The following ALS2 variants were observed in gnomAD, a reference collection of about 807,000 sequenced individuals.
ALS2 encodes the protein alsin.
Under a neutral mutation model 203.4 loss-of-function variants are expected in ALS2, and 117 were observed. The ratio of observed to expected loss-of-function variants is 0.58; its 90% CI spans 0.50 to 0.67. The LOEUF is 0.67. Ranked by LOEUF, ALS2 falls within the 30% of genes least tolerant of loss-of-function variation. The pLI is 0.00. For missense variants in ALS2, 1,715 were observed against 1,989.4 expected (o/e 0.86, Z 2.62); for synonymous variants, 718 against 725.9 (o/e 0.99, Z 0.17).
rs1208641231 is a variant in ALS2, at chr2:201,761,763, A to G, written c.231T>C (p.Ile77=). ...TTTCTAGAATGGGGCTACTTGGACAAATCTCCACTGGTCCACTTCTCCAGG... is the reference window on the plus strand; with the variant it reads ...TTTCTAGAATGGGGCTACTTGGACAGATCTCCACTGGTCCACTTCTCCAGG... The part of the protein sequence containing the change: ...TLPWRSGPVE[I]CPSSPILENA... Residue 77 remains isoleucine, a synonymous_variant, in exon 4 of 34, where the codon ATT becomes ATC. Coordinates refer to ENST00000264276, the MANE Select transcript of ALS2 (RefSeq NM_020919.4). 1 of 1,614,100 alleles carries G rather than the reference A, an allele frequency of 6.2e-7. No homozygotes were observed. The highest frequency in any genetic ancestry group is 8.5e-7 in the Non-Finnish European group (1 of 1,180,020).
chr2:201,715,985 TA>T (rs1346743273), intron 24 of ALS2, 146 bp from the exon 25 acceptor site: 1 of 837,784 alleles, frequency 1.2e-6, no homozygotes, highest in Non-Finnish European at 1.9e-6. Flanking sequence ...TTTAAAACAC[TA>T]AATGAAAATT....
intron 3 of ALS2, 141 bp downstream of exon 3, chr2:201,767,088 A>G (rs765780924): frequency 3.0e-5 from 29 of 955,552 alleles, no homozygotes; most frequent in Non-Finnish European, 4.3e-5. Flanking sequence ...AACTTAAAGC[A>G]TAATAATAAT....
intron 14 of ALS2, 57 bp downstream of exon 14, chr2:201,728,991 CAATT>C: frequency 6.2e-7 from 1 of 1,612,352 alleles, no homozygotes; most frequent in Non-Finnish European, 8.5e-7. Flanking sequence ...AAAATTGTAT[CAATT>C]GTTATCGAAA....
At chr2:201,746,850 G>T in intron 8 of ALS2, 102 bp from the exon 9 acceptor site, 1 of 1,351,422 alleles carries the variant, frequency 7.4e-7, no homozygotes, top group Non-Finnish European at 1.0e-6. Flanking sequence ...TAAGCGTGGT[G>T]CAGTCAGTCA....
intron 1 of ALS2, among the ~76,000 whole-genome samples, chr2:201,780,631 G>C (rs1694864011): frequency 6.6e-6 from 1 of 152,214 alleles, no homozygotes; most frequent in Non-Finnish European, 1.5e-5. Flanking sequence ...GAGAGACCGG[G>C]GCAAGTGGGA....
At chr2:201,708,628 TA>T (rs548955071) in intron 27 of ALS2, among the ~76,000 whole-genome samples, 274 of 152,336 alleles carry the variant, frequency 1.8e-3, no homozygotes, top group African/African-American at 6.2e-3. Flanking sequence ...AATGTGTTTT[TA>T]AAACTTGCTG....
In ALS2 at chr2:201,741,761, G is replaced by A; in HGVS notation, c.2264C>T (p.Ser755Leu). 3 of 1,614,140 alleles carry A rather than the reference G, an allele frequency of 1.9e-6. No homozygotes were observed. Among genetic ancestry groups the A allele is most frequent in the Non-Finnish European group, 2.5e-6 (3 of 1,180,018 alleles). Residue 755 changes from serine to leucine, a missense_variant, in exon 11 of 34, where the codon TCA becomes TTA. Coordinates refer to ENST00000264276, the MANE Select transcript of ALS2 (RefSeq NM_020919.4). ...TACCCCATGAAGGAAGCTGCTCAAT[G>A]AGGCTCCATGCTGACCAATGAGGTA... ...LCYLIGQHGA[S>L]LSSFLHGVKE...
At chr2:201,760,653 C>T in intron 4 of ALS2, 1 of 1,322,724 alleles carries the variant, frequency 7.6e-7, no homozygotes, top group Non-Finnish European at 9.6e-7. Context: ...TAAAACAAGC[C>T]CAACATGACA....
chr2:201,712,816 A>C (rs1690113445), intron 25 of ALS2, among the ~76,000 whole-genome samples: 1 of 152,056 alleles, frequency 6.6e-6, no homozygotes, highest in Admixed American at 6.6e-5. Context: ...AGAGAAATGA[A>C]CAAGTACATC....
chr2:201,700,474 A>G lies in ALS2; in HGVS notation c.*1377T>C, dbSNP rs373201225. ...AGAGGCATGGATTACAATGTGGGCTAAAGAAATACTAAGTCTGGGTTTCCT... is the reference window on the plus strand; with the variant it reads ...AGAGGCATGGATTACAATGTGGGCTGAAGAAATACTAAGTCTGGGTTTCCT... On this transcript the variant is annotated 3_prime_UTR_variant, in exon 34 of 34. Coordinates refer to ENST00000264276, the MANE Select transcript of ALS2 (RefSeq NM_020919.4). 2 of 152,648 alleles carry G rather than the reference A, an allele frequency of 1.3e-5. No homozygotes were observed. The allele number at this position is 152,648 out of a possible 1,614,324, so 9.5% of individuals were successfully genotyped here.
At chr2:201,725,847 T>A (rs73053696) in intron 19 of ALS2, among the ~76,000 whole-genome samples, 1,873 of 152,250 alleles carry the variant, frequency 0.012, 42 homozygotes, top group African/African-American at 0.043. Context: ...ATTCTAACAA[T>A]CTATTAAAAA....
At chr2:201,725,211 A>C (rs1326810087) in intron 20 of ALS2, 145 bp downstream of exon 20, 3 of 706,240 alleles carry the variant, frequency 4.2e-6, no homozygotes, top group East Asian at 5.0e-5. Flanking sequence ...ATGATCACAC[A>C]GAGTTTCAAT....
At chr2:201,739,235 C>CCAAAA (rs745464396) in intron 11 of ALS2, among the ~76,000 whole-genome samples, 1 of 41,074 alleles carries the variant, frequency 2.4e-5, no homozygotes, top group Non-Finnish European at 5.5e-5. Context: ...GACTGTCTCC[C>CCAAAA]AAAAAAAAAA....
At chr2:201,727,072 C>T (rs535298508) in intron 17 of ALS2, 140 bp downstream of exon 17, 3 of 929,496 alleles carry the variant, frequency 3.2e-6, no homozygotes, top group Non-Finnish European at 5.0e-6. Flanking sequence ...GAAGAACCTA[C>T]AGTTTTGGGT....
chr2:201,764,327 A>G (rs1693944273), intron 3 of ALS2, among the ~76,000 whole-genome samples: 1 of 152,158 alleles, frequency 6.6e-6, no homozygotes, highest in African/African-American at 2.4e-5. Context: ...CAAAAACTGG[A>G]GCATATAAAA....
In ALS2 at chr2:201,754,616, C is replaced by G; in HGVS notation, c.1527G>C (p.Leu509=). The G allele has an allele frequency of 1.2e-6, 2 of 1,614,144 alleles. No homozygotes were observed. Among genetic ancestry groups the G allele is most frequent in the Non-Finnish European group, 1.7e-6 (2 of 1,180,014 alleles). Residue 509 remains leucine (L), a synonymous_variant, in exon 6 of 34, where the codon CTG becomes CTC. Coordinates refer to ENST00000264276, the MANE Select transcript of ALS2 (RefSeq NM_020919.4). ...CTGCTTCTCCACTGTATGTGGGGGT[C>G]AGAACCACTGTCCTCGTTTTCACCC... ...AARVKTRTVV[L]TPTYSGEADA... is the part of the protein sequence containing the mutation.
At chr2:201,732,897 G>A (rs1472467843) in intron 13 of ALS2, among the ~76,000 whole-genome samples, 2 of 152,180 alleles carry the variant, frequency 1.3e-5, no homozygotes, top group South Asian at 2.1e-4. Context: ...TAACACCCCT[G>A]CCTTACAGGT....
intron 26 of ALS2, 79 bp from the exon 27 acceptor site, chr2:201,710,117 T>C: frequency 4.0e-6 from 6 of 1,501,264 alleles, no homozygotes; most frequent in Non-Finnish European, 5.5e-6. Context: ...AACAACTTCA[T>C]AAATGACACA....
chr2:201,741,426 T>C (rs1692259969), intron 11 of ALS2: 1 of 434,462 alleles, frequency 2.3e-6, no homozygotes, highest in South Asian at 2.6e-5. Flanking sequence ...TTAATGTAAA[T>C]TATGCTATCA....
Sources: allele counts gnomAD v4.1 joint callset (sites outside exome capture counted in the v4.1 genomes callset), GRCh38; gene constraint gnomAD v4.1.1; transcripts MANE v1.5; gene names NCBI Gene and HGNC (gene_info 2026-07-23, HGNC 2026-07-21).